SMURF2: variants seen among roughly 807,000 people sequenced by gnomAD.
The protein encoded by SMURF2 is E3 ubiquitin-protein ligase SMURF2.
Under a neutral mutation model 109.6 loss-of-function variants are expected in SMURF2, and 48 were observed. The observed-to-expected ratio is 0.44, with a 90% CI of 0.35 to 0.56. The LOEUF is 0.56. SMURF2 is among the 20% of genes least tolerant of loss of function. The pLI, the probability that SMURF2 is intolerant of heterozygous loss-of-function variation, is 0.01. For missense variants in SMURF2, 575 were observed against 909.0 expected, an observed-to-expected ratio of 0.63 and a Z score of 4.72; for synonymous variants, 288 against 317.1, an observed-to-expected ratio of 0.91 and a Z score of 0.97.
chr17:64,652,087 A>G (rs112565697), intron 1 of SMURF2, among the ~76,000 whole-genome samples: 228 of 152,324 alleles, frequency 1.5e-3, no homozygotes, highest in African/African-American at 5.4e-3. Flanking sequence ...ACGTTAAGTC[A>G]TGGTTGTTGC....
At chr17:64,574,046 G>C (rs2144626529) in intron 9 of SMURF2, among the ~76,000 whole-genome samples, 1 of 152,184 alleles carries the variant, frequency 6.6e-6, no homozygotes, top group African/African-American at 2.4e-5. Flanking sequence ...TAGTATCTGG[G>C]TGACAGAATC....
At chr17:64,567,463 A>C (rs1555685131) in intron 10 of SMURF2, among the ~76,000 whole-genome samples, 1 of 152,190 alleles carries the variant, frequency 6.6e-6, no homozygotes, top group African/African-American at 2.4e-5. Context: ...ATTATTTTTC[A>C]TTCAGTTATT....
At chr17:64,651,134 T>C (rs1450850714) in intron 1 of SMURF2, among the ~76,000 whole-genome samples, 10 of 151,856 alleles carry the variant, frequency 6.6e-5, no homozygotes, top group South Asian at 2.1e-4. Context: ...GAGGCGGAGG[T>C]TGCAGTGAGC....
chr17:64,583,706 A>G (rs975218032), intron 6 of SMURF2, among the ~76,000 whole-genome samples, 162 bp from the exon 7 acceptor site: 84 of 152,232 alleles, frequency 5.5e-4, no homozygotes, highest in African/African-American at 1.9e-3. Context: ...ACTCTGTAAT[A>G]TATTTTATGG....
chr17:64,655,185 C>CTAAA (rs936686677), intron 1 of SMURF2, among the ~76,000 whole-genome samples: 1 of 147,942 alleles, frequency 6.8e-6, no homozygotes, highest in African/African-American at 2.5e-5. Context: ...GGTGAGAAAA[C>CTAAA]TAAATAAACT....
chr17:64,547,749 G>T lies in SMURF2; in HGVS notation c.1922C>A (p.Thr641Asn). 6.2e-7 allele frequency: 1 copy of T among 1,614,200 alleles called. No homozygotes were observed. The highest frequency in any genetic ancestry group is 8.5e-7 in the Non-Finnish European group (1 of 1,180,036). The change falls in exon 17 of 19, where the codon ACC becomes AAC. Residue 641 changes from threonine to asparagine, a missense_variant. This residue lies in a region of SMURF2 where 361 missense variants were observed against 612.1 expected (regional missense o/e 0.59). Transcript: ENST00000262435. The surrounding 1 kb of genome is among the most constrained non-coding windows in gnomAD (Gnocchi z 4.2). ...GTCTGGTGTACAGTGTTTTAACCGG[G>T]TGTTTACCTTCCAGTCATTAACATC... ...KIDVNDWKVNTRLKHCTPDSN... is the reference protein window; with the variant it reads ...KIDVNDWKVNNRLKHCTPDSN...
intron 1 of SMURF2, among the ~76,000 whole-genome samples, chr17:64,614,443 A>C (rs571958081): frequency 1.6e-4 from 25 of 152,182 alleles, no homozygotes; most frequent in Non-Finnish European, 3.4e-4. Context: ...ACAATGTCTC[A>C]AACAGCCCAT....
chr17:64,639,346 G>A (rs1301586510), intron 1 of SMURF2, among the ~76,000 whole-genome samples: 3 of 152,116 alleles, frequency 2.0e-5, no homozygotes, highest in African/African-American at 7.2e-5. Flanking sequence ...GGAGGCTGAG[G>A]TGAGTGGATC....
chr17:64,628,723 C>T (rs1200984639), intron 1 of SMURF2, among the ~76,000 whole-genome samples: 1 of 152,178 alleles, frequency 6.6e-6, no homozygotes, highest in African/African-American at 2.4e-5. Flanking sequence ...GAAGGATTCT[C>T]TAACAAGAGG....
chr17:64,560,302 T>G (rs77582577), intron 12 of SMURF2, among the ~76,000 whole-genome samples: 8,084 of 152,190 alleles, frequency 0.053, 310 homozygotes, highest in Admixed American at 0.13. Context: ...TAGTTGATGA[T>G]GAAGTGTTCC....
In SMURF2 at chr17:64,661,900, G is replaced by C. The variant is rs1455448384; in HGVS notation, c.-20C>G. 4 of 1,186,980 alleles carry C rather than the reference G, an allele frequency of 3.4e-6. No homozygotes were observed. Among genetic ancestry groups the C allele is most frequent in the Non-Finnish European group, 4.2e-6 (4 of 959,394 alleles). The allele number at this position is 1,186,980 out of a possible 1,614,324, so 73.5% of individuals were successfully genotyped here. A position where few individuals can be genotyped will look rare whatever the true frequency, so the allele number is the denominator to read the frequency against. ...AGACATGTCCCCGGCGGCGGGGGCG[G>C]CGGGGGCGGCGGGCGGCACGGGGGC... On this transcript the variant is annotated 5_prime_UTR_variant, in exon 1 of 19. Coordinates refer to ENST00000262435, the MANE Select transcript of SMURF2 (RefSeq NM_022739.4).
chr17:64,615,191 C>CA (rs1555689996), intron 1 of SMURF2, among the ~76,000 whole-genome samples: 1 of 151,998 alleles, frequency 6.6e-6, no homozygotes, highest in Non-Finnish European at 1.5e-5. Context: ...ATATCCTTGC[C>CA]AAAAATTCCC....
At chr17:64,577,798 G>A (rs1050906614) in intron 9 of SMURF2, among the ~76,000 whole-genome samples, 8 of 151,714 alleles carry the variant, frequency 5.3e-5, no homozygotes, top group Non-Finnish European at 8.8e-5. Flanking sequence ...AGGTCTATGT[G>A]GCTCAGACTG....
Position 64,554,999 on chromosome 17 carries a change from T to C in SMURF2, c.1611-6A>G, listed in dbSNP as rs1969098995. The C allele has an allele frequency of 1.2e-6, 2 of 1,610,872 alleles. No homozygotes were observed. Among genetic ancestry groups the C allele is most frequent in the African/African-American group, 1.3e-5 (1 of 74,756 alleles). ...CACCTGTAATATCATTCTCACTGGA[T>C]AGGAAAGAGGAAAAGATATGTAACT... On this transcript the variant is annotated splice_polypyrimidine_tract_variant and splice_region_variant and intron_variant, in intron 14 of 18. Transcript: ENST00000262435.
chr17:64,564,660 G>C (rs1209354505), intron 10 of SMURF2, among the ~76,000 whole-genome samples: 1 of 152,134 alleles, frequency 6.6e-6, no homozygotes, highest in Non-Finnish European at 1.5e-5. Flanking sequence ...ACAAAGACTG[G>C]AGCAATTTGT....
At chr17:64,654,842 T>TAATA (rs547670128) in intron 1 of SMURF2, among the ~76,000 whole-genome samples, 5 of 151,708 alleles carry the variant, frequency 3.3e-5, no homozygotes, top group East Asian at 1.9e-4. Context: ...AAAATAATAA[T>TAATA]AATAAATAAA....
chr17:64,599,564 G>A (rs147048002), intron 2 of SMURF2, among the ~76,000 whole-genome samples: 1 of 152,156 alleles, frequency 6.6e-6, no homozygotes, highest in Non-Finnish European at 1.5e-5. Flanking sequence ...TGAGCGGTGG[G>A]AGAGTAAGCA....
At chr17:64,626,949 CAAAA>C (rs1555691221) in intron 1 of SMURF2, among the ~76,000 whole-genome samples, 1 of 148,114 alleles carries the variant, frequency 6.8e-6, no homozygotes, top group East Asian at 2.0e-4. Context: ...AAAAAACAAA[CAAAA>C]ACCTCTAGAT....
intron 1 of SMURF2, among the ~76,000 whole-genome samples, chr17:64,659,336 A>G (rs1970744505): frequency 6.6e-6 from 1 of 152,206 alleles, no homozygotes; most frequent in Admixed American, 6.6e-5. Context: ...GCAAAGAACA[A>G]TAATTTTAAA....
Sources: allele counts gnomAD v4.1 joint callset (sites outside exome capture counted in the v4.1 genomes callset), GRCh38; gene constraint gnomAD v4.1.1; regional missense constraint gnomAD v4.1.1; non-coding constraint Gnocchi (gnomAD v3.1); transcripts MANE v1.5; gene names NCBI Gene and HGNC (gene_info 2026-07-23, HGNC 2026-07-21).